ERC2: variants seen among roughly 807,000 people sequenced by gnomAD.
The protein encoded by ERC2 is ELKS/RAB6-interacting/CAST family member 2.
ERC2 carries 42 observed loss-of-function variants against 114.8 expected under a neutral mutation model. The ratio of observed to expected loss-of-function variants is 0.37; its 90% confidence interval spans 0.29 to 0.47. ERC2 has a LOEUF of 0.47. Among genes scored for constraint, ERC2 ranks in the 20% least tolerant of loss-of-function variants. The pLI is 0.99. For synonymous variants in ERC2, 454 were observed against 425.5 expected, an observed-to-expected ratio of 1.07 and a Z score of -0.82; for missense variants, 939 against 1,150.7, an observed-to-expected ratio of 0.82 and a Z score of 2.66.
intron 4 of ERC2, among the ~76,000 whole-genome samples, chr3:56,168,025 T>A (rs2082413287): frequency 6.6e-6 from 1 of 152,156 alleles, no homozygotes; most frequent in East Asian, 1.9e-4. Context: ...AAGTAAATGT[T>A]GAAAGAAAAA....
At chr3:55,907,493 C>T (rs534526224) in intron 13 of ERC2, among the ~76,000 whole-genome samples, 16 of 152,302 alleles carry the variant, frequency 1.1e-4, no homozygotes, top group African/African-American at 3.1e-4. Context: ...AGCATTATTG[C>T]TTAATTGTTT....
rs143232550 is a variant in ERC2, at chr3:55,804,052, C to T, written c.2565-69134G>A. Among the ~76,000 whole-genome samples, 35 of 152,216 alleles carry T rather than the reference C, an allele frequency of 2.3e-4. No homozygotes were observed. In the East Asian group the frequency reaches 3.7e-3, roughly 16 times the overall value. On this transcript the variant is annotated intron_variant, in intron 14 of 17. Coordinates refer to ENST00000288221, the MANE Select transcript of ERC2 (RefSeq NM_015576.3). Reference sequence around the variant, plus strand: ...AGCTATTTTCTCTGTATTTAATTCTCGTATCTTGCAGTGGTTCTCAAAATT... The same window carrying T: ...AGCTATTTTCTCTGTATTTAATTCTTGTATCTTGCAGTGGTTCTCAAAATT...
At chr3:56,359,782 C>T (rs79164574) in intron 2 of ERC2, among the ~76,000 whole-genome samples, 2,938 of 149,466 alleles carry the variant, frequency 0.02, 102 homozygotes, top group African/African-American at 0.072. Flanking sequence ...ATGCAGATCA[C>T]GTGGCAAGAA....
intron 14 of ERC2, among the ~76,000 whole-genome samples, chr3:55,842,174 T>C (rs906390155): frequency 2.6e-5 from 4 of 152,116 alleles, no homozygotes; most frequent in Admixed American, 6.5e-5. Context: ...AGCCAAACAG[T>C]GAGTTAGTAG....
At chr3:55,983,325 T>A (rs1313060154) in intron 12 of ERC2, among the ~76,000 whole-genome samples, 1 of 152,222 alleles carries the variant, frequency 6.6e-6, no homozygotes, top group Non-Finnish European at 1.5e-5. Context: ...CTGTCATAAG[T>A]CACATGCTAA....
chr3:56,033,026 GAAACAGAAAGAAAGAA>G (rs2074547234), intron 7 of ERC2, among the ~76,000 whole-genome samples: 1 of 47,662 alleles, frequency 2.1e-5, no homozygotes, highest in South Asian at 6.9e-4. Flanking sequence ...AAAGAAAAAA[GAAACAGAAAGAAAGAA>G]AGAAAGAAAG....
chr3:55,654,007 C>T (rs1187044849), intron 17 of ERC2, among the ~76,000 whole-genome samples: 2 of 152,194 alleles, frequency 1.3e-5, no homozygotes, highest in African/African-American at 2.4e-5. Context: ...TTGTCATGCC[C>T]TTGCTCTTTG....
intron 14 of ERC2, among the ~76,000 whole-genome samples, chr3:55,753,640 A>G (rs1399414053): frequency 6.6e-6 from 1 of 152,190 alleles, no homozygotes; most frequent in African/African-American, 2.4e-5. Flanking sequence ...CACCAGTCCG[A>G]ATGGCTAATG....
At chr3:56,079,703 G>GT (rs1435611031) in intron 7 of ERC2, among the ~76,000 whole-genome samples, 1 of 152,118 alleles carries the variant, frequency 6.6e-6, no homozygotes, top group East Asian at 1.9e-4. Context: ...TGGGACAGGG[G>GT]TGTCATGTTT....
chr3:56,268,317 G>A (rs2053453873), intron 3 of ERC2, among the ~76,000 whole-genome samples: 1 of 152,278 alleles, frequency 6.6e-6, no homozygotes, highest in Admixed American at 6.5e-5. Context: ...GTCTATGTAA[G>A]TATACTCTAC....
chr3:55,773,854 G>A (rs2068407585), intron 14 of ERC2, among the ~76,000 whole-genome samples: 1 of 152,198 alleles, frequency 6.6e-6, no homozygotes, highest in African/African-American at 2.4e-5. Context: ...GAACACCCAG[G>A]ATATACTGAA....
At chr3:56,221,256 C>A (rs1411105714) in intron 3 of ERC2, among the ~76,000 whole-genome samples, 1 of 152,006 alleles carries the variant, frequency 6.6e-6, no homozygotes. Context: ...ACTGACTAAG[C>A]ATTAGCAAGT....
At chr3:55,561,996 GTT>G (rs956777833) in intron 17 of ERC2, among the ~76,000 whole-genome samples, 23 of 152,290 alleles carry the variant, frequency 1.5e-4, no homozygotes, top group African/African-American at 5.5e-4. Flanking sequence ...GTGAAAGGCA[GTT>G]TAAGAATGAA....
intron 13 of ERC2, among the ~76,000 whole-genome samples, chr3:55,907,564 T>C (rs1406659760): frequency 6.6e-6 from 1 of 152,240 alleles, no homozygotes; most frequent in Admixed American, 6.5e-5. Context: ...TGTAATTTGA[T>C]GTAACAGAGC....
At chr3:55,943,112 G>T (rs550144560) in intron 13 of ERC2, among the ~76,000 whole-genome samples, 1 of 152,148 alleles carries the variant, frequency 6.6e-6, no homozygotes, top group Middle Eastern at 3.2e-3. Context: ...TCCTGGCCAG[G>T]GAGAGCTGGT....
At chr3:55,757,794 G>A (rs2067156000) in intron 14 of ERC2, among the ~76,000 whole-genome samples, 1 of 151,868 alleles carries the variant, frequency 6.6e-6, no homozygotes, top group Admixed American at 6.6e-5. Context: ...TTTATCAATA[G>A]CTTACAATTT....
rs1174388571 is a variant in ERC2, at chr3:55,913,433, C to T, written c.2404-24884G>A. On this transcript the variant is annotated intron_variant, in intron 13 of 17. Transcript: ENST00000288221. ...ATTCCCAGAAAGCTACTTGCTGGTT[C>T]GAAGGACATGTACATCTTTATGGTT... 2.6e-5 allele frequency among the ~76,000 whole-genome samples: 4 copies of T among 152,014 alleles called. 1 individual carries two copies. Among genetic ancestry groups the T allele is most frequent in the South Asian group, 4.1e-4 (2 of 4,820 alleles).
chr3:56,177,947 A>T (rs988465868), intron 3 of ERC2, among the ~76,000 whole-genome samples: 1 of 152,192 alleles, frequency 6.6e-6, no homozygotes, highest in Non-Finnish European at 1.5e-5. Context: ...GGCATCACAA[A>T]ATTTAACATC....
intron 3 of ERC2, among the ~76,000 whole-genome samples, chr3:56,270,715 T>A (rs192648918): frequency 1.3e-5 from 2 of 152,186 alleles, no homozygotes; most frequent in South Asian, 2.1e-4. Flanking sequence ...CATGGTGGCT[T>A]ATGCCTGTAA....
Sources: allele counts gnomAD v4.1 joint callset (sites outside exome capture counted in the v4.1 genomes callset), GRCh38; gene constraint gnomAD v4.1.1; transcripts MANE v1.5; gene names NCBI Gene and HGNC (gene_info 2026-07-23, HGNC 2026-07-21).